The following BAHCC1 variants were observed in gnomAD, a reference collection of about 807,000 sequenced individuals.
BAHCC1 encodes the protein BAH and coiled-coil domain-containing protein 1.
A neutral mutation model predicts 88.2 loss-of-function variants in BAHCC1; 43 were observed. The ratio of observed to expected loss-of-function variants is 0.49; its 90% CI spans 0.38 to 0.63. The LOEUF (loss-of-function observed/expected upper bound fraction) is 0.63, where lower values mean the gene tolerates loss of function less well. Ranked by LOEUF, BAHCC1 falls within the 20% of genes least tolerant of loss-of-function variation. The pLI is 0.00. For missense variants in BAHCC1, 3,023 were observed against 1,654.8 expected (o/e 1.83, Z -14.34); for synonymous variants, 1,510 against 745.5 (o/e 2.03, Z -16.71).
intron 11 of BAHCC1, among the ~76,000 whole-genome samples, 154 bp downstream of exon 11, chr17:81,448,002 G>A (rs190273782): frequency 9.2e-5 from 14 of 152,300 alleles, no homozygotes; most frequent in African/African-American, 1.4e-4. Context: ...TCCCCTTGCC[G>A]TCCCTCGTCC....
Position 81,460,603 on chromosome 17 carries a change from C to A in BAHCC1, c.6099C>A (p.Pro2033=). The A allele has an allele frequency of 1.3e-6, 1 of 770,498 alleles. No individual in the cohort carries two copies. The highest frequency in any genetic ancestry group is 2.5e-5 in the East Asian group (1 of 40,658). 47.7% of individuals were successfully genotyped at this position (770,498 alleles called of 1,614,324 possible). ...CCAAGAAGGTATCCAGTGAGGCACC[C>A]CCGCCTAGTGAAGCCGCCACCCCCA... ...RRTKKVSSEA[P]PPSEAATPSL... Residue 2033 remains proline (P), a synonymous_variant, in exon 25 of 28, where the codon CCC becomes CCA. Coordinates refer to ENST00000675386, the MANE Select transcript of BAHCC1 (RefSeq NM_001377448.1).
chr17:81,452,386 G>C (rs1355184641), intron 13 of BAHCC1, among the ~76,000 whole-genome samples: 4 of 152,062 alleles, frequency 2.6e-5, no homozygotes, highest in Non-Finnish European at 5.9e-5. Context: ...CAGGGTGGCG[G>C]GTGAGGGGAC....
At position 81,461,596 on chromosome 17, in the gene BAHCC1, C is replaced by T. The variant is rs1329679724; in HGVS notation, c.6933C>T (p.Leu2311=). ...CGGCCGGCGTGCCCTCCCGCTTCCT[C>T]GCCCGCCTGTCCGTGTCCTCTTCCT... ...GLAAGVPSRF[L]ARLSVSSSSS... is the part of the protein sequence containing the mutation. Residue 2311 remains leucine, a synonymous_variant, in exon 26 of 28, where the codon CTC becomes CTT. Coordinates refer to ENST00000675386, the MANE Select transcript of BAHCC1 (RefSeq NM_001377448.1). 1.2e-5 allele frequency: 9 copies of T among 721,916 alleles called. No individual in the cohort carries two copies. Among genetic ancestry groups the T allele is most frequent in the South Asian group, 3.0e-5 (2 of 67,666 alleles). 44.7% of individuals were successfully genotyped at this position (721,916 alleles called of 1,614,324 possible).
In BAHCC1 at chr17:81,457,439, G is replaced by C; in HGVS notation, c.4888G>C (p.Gly1630Arg). ...GSGYDSEDCE[G>R]LLGTEAPPRE... The stretch of plus-strand genomic sequence containing the variant: ...TGGCTATGACAGTGAGGACTGCGAG[G>C]GTCTCCTGGGGACAGAGGCACCACC... Residue 1630 changes from glycine to arginine, a missense_variant, in exon 17 of 28, where the codon GGT becomes CGT. Transcript: ENST00000675386. The C allele has an allele frequency of 1.3e-6, 1 of 772,396 alleles. No homozygotes were observed. The highest frequency in any genetic ancestry group is 2.4e-6 in the Non-Finnish European group (1 of 414,902). The allele number at this position is 772,396 out of a possible 1,614,324, so 47.8% of individuals were successfully genotyped here.
At chr17:81,449,742 C>T (rs916466516) in intron 11 of BAHCC1, among the ~76,000 whole-genome samples, 1 of 149,122 alleles carries the variant, frequency 6.7e-6, no homozygotes, top group Admixed American at 6.7e-5. Flanking sequence ...CCTGAGTGTT[C>T]CCTTGGTCCC....
At chr17:81,409,713 G>A (rs2143251292) in intron 2 of BAHCC1, among the ~76,000 whole-genome samples, 2 of 152,278 alleles carry the variant, frequency 1.3e-5, no homozygotes, top group South Asian at 4.1e-4. Context: ...CGGGCCCAGG[G>A]AGAAGGCCGG....
In BAHCC1 at chr17:81,435,483, CG is replaced by C; in HGVS notation, c.359-2885del. On this transcript the variant is annotated intron_variant, in intron 3 of 27. Coordinates refer to ENST00000675386, the MANE Select transcript of BAHCC1 (RefSeq NM_001377448.1). The surrounding 1 kb of genome is among the most constrained non-coding windows in gnomAD (Gnocchi z 4.4). ...GCCTGTGTCCTGACCACCTCTCTGG[CG>C]GTTCGCTTAGCCCAGGGCTTGCCCT... is the stretch of plus-strand genomic sequence containing the variant. 2.1e-6 allele frequency: 1 copy of C among 470,960 alleles called. No individual in the cohort carries two copies. Among genetic ancestry groups the C allele is most frequent in the Non-Finnish European group, 4.4e-6 (1 of 226,894 alleles). 29.2% of individuals were successfully genotyped at this position (470,960 alleles called of 1,614,324 possible).
intron 1 of BAHCC1, chr17:81,395,851 T>C (rs1555644842): frequency 1.3e-5 from 2 of 152,178 alleles, no homozygotes; most frequent in Non-Finnish European, 2.9e-5. Context: ...GATTTTTTTT[T>C]CTCTGAAAAA....
intron 3 of BAHCC1, among the ~76,000 whole-genome samples, chr17:81,427,437 G>A (rs1209945571): frequency 6.6e-6 from 1 of 152,204 alleles, no homozygotes; most frequent in Non-Finnish European, 1.5e-5. Flanking sequence ...GCCTGTCCCA[G>A]GACAAAGAGT....
At chr17:81,422,010 C>T (rs769240873) in intron 2 of BAHCC1, 108 of 262,040 alleles carry the variant, frequency 4.1e-4, no homozygotes, top group South Asian at 6.5e-4. Context: ...CGCTTCCTCT[C>T]GTGATTTTTT....
In BAHCC1 at chr17:81,451,773, C is replaced by T. The variant is rs201548738; in HGVS notation, c.4082C>T (p.Ala1361Val). Residue 1361 changes from alanine (A) to valine (V), a missense_variant, in exon 12 of 28, where the codon GCG becomes GTG. Coordinates refer to ENST00000675386, the MANE Select transcript of BAHCC1 (RefSeq NM_001377448.1). ...AAGLDSSTAP[A>V]QPPTANPCSG... ...GGCCTGGACAGCTCCACTGCCCCAGCGCAGCCGCCCACAGCCAACCCCTGC... is the reference window on the plus strand; with the variant it reads ...GGCCTGGACAGCTCCACTGCCCCAGTGCAGCCGCCCACAGCCAACCCCTGC... 1.8e-4 allele frequency: 137 copies of T among 768,886 alleles called. No homozygotes were observed. The highest frequency in any genetic ancestry group is 1.5e-3 in the African/African-American group (88 of 59,214). 47.6% of individuals were successfully genotyped at this position (768,886 alleles called of 1,614,324 possible).
At position 81,460,377 on chromosome 17, in the gene BAHCC1, C is replaced by T. The variant is rs1555658795; in HGVS notation, c.6006C>T (p.Pro2002=). The change falls in exon 24 of 28, where the codon CCC becomes CCT. Residue 2002 remains proline, a synonymous_variant. Coordinates refer to ENST00000675386, the MANE Select transcript of BAHCC1 (RefSeq NM_001377448.1). ...HIAVSNVRLL[P]PDFKIQCTEP... ...CCGTCTCCAACGTCAGGCTGCTGCCCCCTGACTTCAAGATCCAGTGTGAGC... is the reference window on the plus strand; with the variant it reads ...CCGTCTCCAACGTCAGGCTGCTGCCTCCTGACTTCAAGATCCAGTGTGAGC... 2.6e-6 allele frequency: 2 copies of T among 768,764 alleles called. No individual in the cohort carries two copies. Among genetic ancestry groups the T allele is most frequent in the Non-Finnish European group, 4.8e-6 (2 of 412,704 alleles). 47.6% of individuals were successfully genotyped at this position (768,764 alleles called of 1,614,324 possible). A position where few individuals can be genotyped will look rare whatever the true frequency, so the allele number is the denominator to read the frequency against.
chr17:81,427,489 A>G (rs1028135831), intron 3 of BAHCC1, among the ~76,000 whole-genome samples: 58,263 of 152,090 alleles, frequency 0.38, 12,330 homozygotes, highest in African/African-American at 0.56. Context: ...ACAGCCCTGG[A>G]CACACAGTAG....
intron 2 of BAHCC1, among the ~76,000 whole-genome samples, chr17:81,407,132 G>A (rs1404816669): frequency 2.0e-5 from 3 of 152,234 alleles, no homozygotes; most frequent in Non-Finnish European, 4.4e-5. Context: ...ACTTGCAACT[G>A]TGAGGAACGG....
chr17:81,398,373 A>G lies in BAHCC1; in HGVS notation c.-206-1161A>G, dbSNP rs1476722391. On this transcript the variant is annotated intron_variant, in intron 1 of 27. Coordinates refer to ENST00000675386, the MANE Select transcript of BAHCC1 (RefSeq NM_001377448.1). ...GTGGAAGAAAATGGAGGTGAGGGTTATTTTAGGTGGCCGAGGTCCGGGCAG... is the reference window on the plus strand; with the variant it reads ...GTGGAAGAAAATGGAGGTGAGGGTTGTTTTAGGTGGCCGAGGTCCGGGCAG... Among the ~76,000 whole-genome samples, 4 of 152,250 alleles carry G rather than the reference A, an allele frequency of 2.6e-5. No individual in the cohort carries two copies. In the East Asian group the frequency reaches 7.7e-4, roughly 29 times the overall value.
intron 3 of BAHCC1, among the ~76,000 whole-genome samples, chr17:81,436,681 A>G (rs2064341755): frequency 6.6e-6 from 1 of 151,676 alleles, no homozygotes; most frequent in South Asian, 2.1e-4. Context: ...GCTGCTCCAG[A>G]TGCAGCTCCC....
intron 2 of BAHCC1, chr17:81,415,373 AG>A (rs2064006897): frequency 3.1e-6 from 1 of 318,310 alleles, no homozygotes; most frequent in Admixed American, 4.6e-5. Flanking sequence ...GGCTTTTTGA[AG>A]GTGGCTGGGT....
At position 81,399,114 on chromosome 17, in the gene BAHCC1, A is replaced by G; in HGVS notation, c.-206-420A>G. 3 of 202,846 alleles carry G rather than the reference A, an allele frequency of 1.5e-5. No individual in the cohort carries two copies. Among genetic ancestry groups the G allele is most frequent in the South Asian group, 3.3e-5 (1 of 30,050 alleles). 12.6% of individuals were successfully genotyped at this position (202,846 alleles called of 1,614,324 possible). On this transcript the variant is annotated intron_variant, in intron 1 of 27. Coordinates refer to ENST00000675386, the MANE Select transcript of BAHCC1 (RefSeq NM_001377448.1). This position sits in a 1 kb window ranked among gnomAD's most constrained non-coding sequence, Gnocchi z 4.5. ...ACCTTTGGGCAGCGGGGGAGGGGAG[A>G]GGGTGTGCGTGTGAGTGTGTGTGTG...
At chr17:81,430,596 G>A (rs1193285918) in intron 3 of BAHCC1, among the ~76,000 whole-genome samples, 1 of 152,222 alleles carries the variant, frequency 6.6e-6, no homozygotes, top group African/African-American at 2.4e-5. Context: ...ACTCGCTGGT[G>A]CTGCTGGGAG....
Sources: gnomAD v4.1 joint callset for allele counts (sites outside exome capture counted in the v4.1 genomes callset) on GRCh38, gnomAD v4.1.1 for gene constraint, Gnocchi (gnomAD v3.1) non-coding constraint, MANE v1.5 for transcripts, NCBI Gene and HGNC (gene_info 2026-07-23, HGNC 2026-07-21) for gene names.